Variants in RASA2 observed in about 807,000 individuals in gnomAD.
The protein encoded by RASA2 is ras GTPase-activating protein 2.
RASA2 carries 155 observed loss-of-function variants against 118.2 expected under a neutral mutation model. The observed-to-expected ratio is 1.31, with a 90% CI of 1.15 to 1.50. The LOEUF (loss-of-function observed/expected upper bound fraction) is 1.50, where lower values mean the gene tolerates loss of function less well. Among genes scored for constraint, RASA2 ranks in the 40% most tolerant of loss-of-function variants. The pLI, the probability that RASA2 is intolerant of heterozygous loss-of-function variation, is 0.00. For missense variants in RASA2, 1,016 were observed against 1,009.6 expected (o/e 1.01, Z -0.09); for synonymous variants, 353 against 349.1 (o/e 1.01, Z -0.12).
chr3:141,611,365 G>A (rs943661858), intron 23 of RASA2, among the ~76,000 whole-genome samples: 32 of 152,158 alleles, frequency 2.1e-4, no homozygotes, highest in Admixed American at 2.0e-4. Flanking sequence ...CTCCGTACTA[G>A]GAGAAAGGAA....
At chr3:141,497,074 C>G (rs1206489993) in intron 1 of RASA2, among the ~76,000 whole-genome samples, 1 of 149,392 alleles carries the variant, frequency 6.7e-6, no homozygotes, top group African/African-American at 2.5e-5. Context: ...GACGAAAAAC[C>G]AAACACCACA....
chr3:141,501,886 T>C (rs2081788274), intron 1 of RASA2, among the ~76,000 whole-genome samples: 2 of 152,154 alleles, frequency 1.3e-5, no homozygotes, highest in South Asian at 4.1e-4. Context: ...GTTGTGAATG[T>C]AAATGACAAA....
chr3:141,607,872 T>C (rs2083572988), intron 20 of RASA2, 112 bp downstream of exon 20: 1 of 1,200,924 alleles, frequency 8.3e-7, no homozygotes, highest in East Asian at 3.1e-5. Context: ...ATTACTTAGA[T>C]ATTTGTATTC....
In RASA2 at chr3:141,487,066, C is replaced by T. The variant is rs2081584233; in HGVS notation, c.-18C>T. On this transcript the variant is annotated 5_prime_UTR_variant, in exon 1 of 24. Transcript: ENST00000286364. ...GGCTACGCAGGCGGCAGGGCTGCGG[C>T]ACGGGCCGGGCGGCACCATGGCGGC... 1 of 1,256,266 alleles carries T rather than the reference C, an allele frequency of 8.0e-7. No individual in the cohort carries two copies. Among genetic ancestry groups the T allele is most frequent in the African/African-American group, 1.6e-5 (1 of 62,188 alleles). The allele number at this position is 1,256,266 out of a possible 1,614,324, so 77.8% of individuals were successfully genotyped here. A position where few individuals can be genotyped will look rare whatever the true frequency, so the allele number is the denominator to read the frequency against.
Position 141,604,906 on chromosome 3 carries a change from A to C in RASA2, c.1934-2772A>C, listed in dbSNP as rs911644322. ...TGTACCCTAGAACTTAAAGTATAACAAAAATATACATATATTAAATAAATA... is the reference window on the plus strand; with the variant it reads ...TGTACCCTAGAACTTAAAGTATAACCAAAATATACATATATTAAATAAATA... On this transcript the variant is annotated intron_variant, in intron 19 of 23. Coordinates refer to ENST00000286364, the MANE Select transcript of RASA2 (RefSeq NM_006506.5). Among the ~76,000 whole-genome samples, 4 of 152,176 alleles carry C rather than the reference A, an allele frequency of 2.6e-5. No homozygotes were observed. In the South Asian group the frequency reaches 8.3e-4, roughly 32 times the overall value.
At chr3:141,561,923 CT>C (rs34302778) in intron 9 of RASA2, among the ~76,000 whole-genome samples, 1 of 151,940 alleles carries the variant, frequency 6.6e-6, no homozygotes, top group African/African-American at 2.4e-5. Flanking sequence ...ATTTTGACAC[CT>C]TTTGTCCTCA....
At chr3:141,498,855 G>T (rs762699274) in intron 1 of RASA2, among the ~76,000 whole-genome samples, 2 of 152,104 alleles carry the variant, frequency 1.3e-5, no homozygotes, top group Non-Finnish European at 2.9e-5. Context: ...GTAGCTATAG[G>T]TACCATTGGC....
At chr3:141,563,488 T>C (rs566639209) in intron 9 of RASA2, among the ~76,000 whole-genome samples, 1 of 152,286 alleles carries the variant, frequency 6.6e-6, no homozygotes, top group Admixed American at 6.5e-5. Flanking sequence ...TACAAATGAC[T>C]ATTGATAGTT....
At chr3:141,597,441 C>T (rs954685969) in intron 19 of RASA2, among the ~76,000 whole-genome samples, 1 of 152,004 alleles carries the variant, frequency 6.6e-6, no homozygotes, top group African/African-American at 2.4e-5. Context: ...CTGCTTGGGA[C>T]AGGTTGGGAA....
intron 13 of RASA2, 111 bp downstream of exon 13, chr3:141,573,332 T>G: frequency 5.2e-6 from 6 of 1,164,186 alleles, no homozygotes; most frequent in Non-Finnish European, 6.9e-6. Context: ...TGCTGTTTAT[T>G]CTTCACATAA....
chr3:141,503,874 A>C (rs1462926688), intron 1 of RASA2, among the ~76,000 whole-genome samples: 1 of 152,218 alleles, frequency 6.6e-6, no homozygotes, highest in Non-Finnish European at 1.5e-5. Context: ...AGATTCTTTA[A>C]GTGCTTTTGG....
At chr3:141,504,411 A>C (rs1183893393) in intron 1 of RASA2, among the ~76,000 whole-genome samples, 1 of 152,224 alleles carries the variant, frequency 6.6e-6, no homozygotes, top group Non-Finnish European at 1.5e-5. Flanking sequence ...TTTGGTCCCC[A>C]ACAAGAGGCT....
At position 141,562,348 on chromosome 3, in the gene RASA2, G is replaced by T. The variant is rs556868584; in HGVS notation, c.863+2353G>T. The stretch of plus-strand genomic sequence containing the variant: ...AAAAAAAAAAAAAGAAATAGGCCTG[G>T]CACGGTGGCTCAAGCCTGTAATCCC... On this transcript the variant is annotated intron_variant, in intron 9 of 23. Transcript: ENST00000286364. Among the ~76,000 whole-genome samples the T allele has an allele frequency of 1.7e-3, 256 of 150,104 alleles. 1 individual carries two copies. Among genetic ancestry groups the T allele is most frequent in the Middle Eastern group, 0.01 (3 of 288 alleles).
chr3:141,573,073 T>C, intron 12 of RASA2, 74 bp from the exon 13 acceptor site: 1 of 1,255,030 alleles, frequency 8.0e-7, no homozygotes, highest in Non-Finnish European at 1.1e-6. Flanking sequence ...ACTTTTATTA[T>C]CAGAAAAATA....
intron 3 of RASA2, among the ~76,000 whole-genome samples, chr3:141,517,029 C>T (rs1368221388): frequency 6.6e-6 from 1 of 151,596 alleles, no homozygotes; most frequent in Non-Finnish European, 1.5e-5. Flanking sequence ...CTCGGCCTCC[C>T]AGAGTGTTAG....
At chr3:141,576,928 A>G (rs997155206) in intron 14 of RASA2, 72 bp from the exon 15 acceptor site, 18 of 1,021,580 alleles carry the variant, frequency 1.8e-5, no homozygotes, top group African/African-American at 1.5e-4. Flanking sequence ...TGTCTTTTCT[A>G]TATTTTTTAA....
In RASA2 at chr3:141,607,661, C is replaced by CT. The variant is rs1560066820; in HGVS notation, c.1934-10dup. 5.1e-6 allele frequency: 8 copies of CT among 1,556,886 alleles called. No homozygotes were observed. Among genetic ancestry groups the CT allele is most frequent in the East Asian group, 2.3e-5 (1 of 43,292 alleles). ...TGGAAATTACTTTAATTTTGTTTTA[C>CT]TTTTTTTATTATTTAGGCAAAGATG... On this transcript the variant is annotated splice_polypyrimidine_tract_variant and intron_variant, in intron 19 of 23. Coordinates refer to ENST00000286364, the MANE Select transcript of RASA2 (RefSeq NM_006506.5).
chr3:141,510,157 T>A (rs2081930045), intron 1 of RASA2, among the ~76,000 whole-genome samples: 1 of 152,214 alleles, frequency 6.6e-6, no homozygotes, highest in Admixed American at 6.5e-5. Flanking sequence ...TACTTGAGTT[T>A]ATCTAGTCCA....
intron 11 of RASA2, 37 bp from the exon 12 acceptor site, chr3:141,572,572 T>C (rs778711900): frequency 6.9e-7 from 1 of 1,451,404 alleles, no homozygotes; most frequent in African/African-American, 1.4e-5. Context: ...TCAAAACCTT[T>C]GTTTACTACA....
Sources: gnomAD v4.1 joint callset for allele counts (sites outside exome capture counted in the v4.1 genomes callset) on GRCh38, gnomAD v4.1.1 for gene constraint, MANE v1.5 for transcripts, NCBI Gene and HGNC (gene_info 2026-07-23, HGNC 2026-07-21) for gene names.